LOXL1: variants seen among roughly 807,000 people sequenced by gnomAD.
LOXL1 encodes lysyl oxidase homolog 1.
In LOXL1, 31 loss-of-function variants were observed where a neutral mutation model predicts 62.2. That is an observed-to-expected ratio of 0.50 (90% CI 0.37 to 0.67). The LOEUF (loss-of-function observed/expected upper bound fraction) is 0.67, where lower values mean the gene tolerates loss of function less well. Ranked by LOEUF, LOXL1 falls within the 30% of genes least tolerant of loss-of-function variation. LOXL1 has a pLI of 0.00. For synonymous variants in LOXL1, 403 were observed against 384.4 expected (o/e 1.05, Z -0.56); for missense variants, 775 against 843.4 (o/e 0.92, Z 1.00).
Position 73,947,230 on chromosome 15 carries a change from C to A in LOXL1, c.1506+7C>A. ...ATGCACCTCTCATACCCAGGTTGGG[C>A]TGGAGAGATGGGGTTTGGGGCATGG... is the stretch of plus-strand genomic sequence containing the variant. On this transcript the variant is annotated splice_region_variant and intron_variant, in intron 4 of 6. Coordinates refer to ENST00000261921, the MANE Select transcript of LOXL1 (RefSeq NM_005576.4). 1 of 1,591,176 alleles carries A rather than the reference C, an allele frequency of 6.3e-7. No homozygotes were observed. Among genetic ancestry groups the A allele is most frequent in the South Asian group, 1.1e-5 (1 of 89,624 alleles).
In LOXL1 at chr15:73,927,736, C is replaced by G. The variant is rs1171593029; in HGVS notation, c.953C>G (p.Pro318Arg). ...GWYPPYANPP[P>R]EAYGPPRALE... ...TACCCGCCCTACGCCAACCCGCCGC[C>G]CGAGGCGTACGGGCCGCCGCGCGCG... The change falls in exon 1 of 7, where the codon CCC becomes CGC. Residue 318 changes from proline (P) to arginine (R), a missense_variant. Transcript: ENST00000261921. 3 of 1,461,014 alleles carry G rather than the reference C, an allele frequency of 2.1e-6. No individual in the cohort carries two copies. In the Admixed American group the frequency reaches 7.6e-5, roughly 37 times the overall value. The allele number at this position is 1,461,014 out of a possible 1,614,324, so 90.5% of individuals were successfully genotyped here. A position where few individuals can be genotyped will look rare whatever the true frequency, so the allele number is the denominator to read the frequency against.
chr15:73,927,025 C>A lies in LOXL1; in HGVS notation c.242C>A (p.Pro81His). Residue 81 changes from proline (P) to histidine (H), a missense_variant, in exon 1 of 7, where the codon CCC (proline) becomes CAC (histidine). By Grantham distance (77) the Pro-to-His change is moderately conservative. Coordinates refer to ENST00000261921, the MANE Select transcript of LOXL1 (RefSeq NM_005576.4). ...TCCCGGGTGCTGCTGGCCGGCGCGC[C>A]CCAGGCCCAGCAGCGGCGCAGCCAC... ...SSSRVLLAGA[P>H]QAQQRRSHGS... is the part of the protein sequence containing the mutation. 2.8e-6 allele frequency: 4 copies of A among 1,409,488 alleles called. No homozygotes were observed. Among genetic ancestry groups the A allele is most frequent in the Non-Finnish European group, 3.7e-6 (4 of 1,070,298 alleles). The allele number at this position is 1,409,488 out of a possible 1,614,324, so 87.3% of individuals were successfully genotyped here.
At chr15:73,951,213 C>A (rs987528794) in intron 6 of LOXL1, among the ~76,000 whole-genome samples, 1 of 152,216 alleles carries the variant, frequency 6.6e-6, no homozygotes, top group Non-Finnish European at 1.5e-5. Context: ...GTGCCAGGCG[C>A]CTGGAGCAGC....
At chr15:73,949,106 T>G (rs1252319926) in intron 5 of LOXL1, among the ~76,000 whole-genome samples, 1 of 152,196 alleles carries the variant, frequency 6.6e-6, no homozygotes. Context: ...CTTTGAGCCT[T>G]GGATTTGGGG....
At chr15:73,944,476 A>G (rs1282559359) in intron 2 of LOXL1, among the ~76,000 whole-genome samples, 1 of 152,200 alleles carries the variant, frequency 6.6e-6, no homozygotes, top group Non-Finnish European at 1.5e-5. Context: ...TTCACAGGCC[A>G]GGGCTGCTGG....
Position 73,927,344 on chromosome 15 carries a change from G to A in LOXL1, c.561G>A (p.Gln187=). The change falls in exon 1 of 7, where the codon CAG becomes CAA. Residue 187 remains glutamine, a synonymous_variant. Coordinates refer to ENST00000261921, the MANE Select transcript of LOXL1 (RefSeq NM_005576.4). ...FPYPQAPFVS[Q]YENYDPASRT... is the part of the protein sequence containing the mutation. ...ACCCGCAGGCGCCCTTCGTCAGCCA[G>A]TACGAGAACTACGACCCCGCGTCGC... The A allele has an allele frequency of 6.3e-7, 1 of 1,596,250 alleles. No homozygotes were observed. The highest frequency in any genetic ancestry group is 8.5e-7 in the Non-Finnish European group (1 of 1,172,718).
At chr15:73,947,712 C>T (rs1168582974) in intron 4 of LOXL1, 95 bp from the exon 5 acceptor site, 2 of 873,182 alleles carry the variant, frequency 2.3e-6, no homozygotes, top group Admixed American at 2.0e-5. Flanking sequence ...GGGGAGAAAC[C>T]CAGGGGAAGG....
At chr15:73,951,090 A>G (rs569667121) in intron 6 of LOXL1, among the ~76,000 whole-genome samples, 23 of 152,232 alleles carry the variant, frequency 1.5e-4, no homozygotes, top group African/African-American at 5.5e-4. Context: ...GGGAAGGAGG[A>G]GGAAGGAAGA....
chr15:73,929,460 C>G (rs781058295), intron 1 of LOXL1, among the ~76,000 whole-genome samples: 20 of 152,234 alleles, frequency 1.3e-4, no homozygotes, highest in Non-Finnish European at 2.6e-4. Flanking sequence ...GTGCCTGTCT[C>G]CCTGGGTACT....
rs892116458 is a variant in LOXL1 at position 73,926,539 on chromosome 15, C to T, written c.-245C>T. The stretch of plus-strand genomic sequence containing the variant: ...TGTAAGGCCCACAGGCGGTCCTGCC[C>T]GCCCGGTGCCCTGCGGAGAGCCTCG... On this transcript the variant is annotated 5_prime_UTR_variant, in exon 1 of 7. Transcript: ENST00000261921. 7.0e-5 allele frequency: 28 copies of T among 398,534 alleles called. No homozygotes were observed. The Admixed American group carries it at 9.4e-4, about 13-fold the overall frequency. 24.7% of individuals were successfully genotyped at this position (398,534 alleles called of 1,614,324 possible). A position where few individuals can be genotyped will look rare whatever the true frequency, so the allele number is the denominator to read the frequency against.
chr15:73,951,797 G>A (rs2141641157), intron 6 of LOXL1, 34 bp from the exon 7 acceptor site: 2 of 1,527,272 alleles, frequency 1.3e-6, no homozygotes, highest in Non-Finnish European at 1.8e-6. Flanking sequence ...CTACTTTGCA[G>A]CCCCTCATTG....
chr15:73,941,453 C>G (rs573171397), intron 1 of LOXL1, among the ~76,000 whole-genome samples: 1 of 152,178 alleles, frequency 6.6e-6, no homozygotes, highest in African/African-American at 2.4e-5. Flanking sequence ...GCCTTCCCCT[C>G]CTTGGCCTCA....
intron 4 of LOXL1, chr15:73,947,450 A>G (rs1379997021): frequency 1.9e-6 from 1 of 524,280 alleles, no homozygotes; most frequent in Admixed American, 3.5e-5. Flanking sequence ...GCTCGTGGAG[A>G]GAAGGAAACA....
intron 1 of LOXL1, among the ~76,000 whole-genome samples, chr15:73,933,177 C>T (rs8042039): frequency 0.19 from 29,093 of 152,190 alleles, 3,017 homozygotes; most frequent in African/African-American, 0.27. Flanking sequence ...TTAATTCCCA[C>T]AACAGCCTTG....
chr15:73,938,749 T>C (rs1360785868), intron 1 of LOXL1, among the ~76,000 whole-genome samples: 2 of 151,818 alleles, frequency 1.3e-5, no homozygotes. Context: ...GGTGCGGTGG[T>C]TCACGCCTGC....
chr15:73,942,907 C>T lies in LOXL1; in HGVS notation c.1156C>T (p.Gln386Ter). The change falls in exon 2 of 7, where the codon CAG (glutamine) becomes TAG (stop). Residue 386 changes from glutamine to a stop codon, truncating the protein, a stop_gained. Coordinates refer to ENST00000261921, the MANE Select transcript of LOXL1 (RefSeq NM_005576.4). LOFTEE classifies it high-confidence loss of function. The part of the protein sequence containing the change: ...PNYVQASTYV[Q>*]RAHLYSLRCA... ...CTATGTGCAAGCATCCACTTATGTG[C>T]AGAGAGCCCACCTGTACTCCCTGCG... 1 of 1,614,076 alleles carries T rather than the reference C, an allele frequency of 6.2e-7. No individual in the cohort carries two copies.
intron 2 of LOXL1, 23 bp from the exon 3 acceptor site, chr15:73,946,394 C>A (rs745602200): frequency 1.3e-6 from 2 of 1,558,138 alleles, no homozygotes; most frequent in Non-Finnish European, 1.8e-6. Context: ...AACCCCCCCT[C>A]ATCTCCCCCG....
At chr15:73,938,724 G>T (rs1260724220) in intron 1 of LOXL1, among the ~76,000 whole-genome samples, 1 of 152,064 alleles carries the variant, frequency 6.6e-6, no homozygotes, top group Non-Finnish European at 1.5e-5. Flanking sequence ...TAAGCAAAAA[G>T]ACCTCATTTG....
chr15:73,944,657 C>G (rs1472911343), intron 2 of LOXL1, among the ~76,000 whole-genome samples: 1 of 152,142 alleles, frequency 6.6e-6, no homozygotes, highest in East Asian at 1.9e-4. Flanking sequence ...CAGGCAGAAC[C>G]CAGAGAAGAA....
Sources: gnomAD v4.1 joint callset for allele counts (sites outside exome capture counted in the v4.1 genomes callset) on GRCh38, gnomAD v4.1.1 for gene constraint, MANE v1.5 for transcripts, NCBI Gene and HGNC (gene_info 2026-07-23, HGNC 2026-07-21) for gene names.